The following DISC1 variants were observed in gnomAD, a reference collection of about 807,000 sequenced individuals.
DISC1 encodes disrupted in schizophrenia 1 protein.
In DISC1, 57 loss-of-function variants were observed where a neutral mutation model predicts 84.5. That is an observed-to-expected ratio of 0.67 (90% CI 0.55 to 0.84). DISC1 has a LOEUF of 0.84. DISC1 is among the 40% of genes least tolerant of loss of function. The pLI, the probability that DISC1 is intolerant of heterozygous loss-of-function variation, is 0.00. For missense variants in DISC1, 1,000 were observed against 1,057.8 expected, an observed-to-expected ratio of 0.95 and a Z score of 0.76; for synonymous variants, 411 against 415.2, an observed-to-expected ratio of 0.99 and a Z score of 0.12.
At chr1:231,711,617 C>G (rs562477588) in intron 3 of DISC1, among the ~76,000 whole-genome samples, 4 of 151,898 alleles carry the variant, frequency 2.6e-5, no homozygotes, top group Non-Finnish European at 5.9e-5. Flanking sequence ...ATCCACCGAC[C>G]TTGGCTTCCC....
intron 3 of DISC1, among the ~76,000 whole-genome samples, chr1:231,724,685 G>A (rs1027966661): frequency 2.6e-5 from 4 of 152,134 alleles, no homozygotes; most frequent in Non-Finnish European, 4.4e-5. Context: ...TAGGAGACCT[G>A]GCTTCAGAGT....
At chr1:231,965,800 T>A (rs988215142) in intron 10 of DISC1, among the ~76,000 whole-genome samples, 3 of 152,218 alleles carry the variant, frequency 2.0e-5, no homozygotes, top group Admixed American at 2.0e-4. Flanking sequence ...GTGCTCACAC[T>A]CATCCTTATG....
Position 231,693,948 on chromosome 1 carries a change from C to G in DISC1, c.190C>G (p.Leu64Val). 1 of 1,614,166 alleles carries G rather than the reference C, an allele frequency of 6.2e-7. No homozygotes were observed. The highest frequency in any genetic ancestry group is 8.5e-7 in the Non-Finnish European group (1 of 1,180,008). Reference protein sequence around the residue: ...IGFLSPAVGTLFRFPGGVSGE... With the variant: ...IGFLSPAVGTVFRFPGGVSGE... ...GTTCCTTTCCCCAGCAGTGGGCACA[C>G]TGTTCCGGTTCCCAGGAGGGGTGTC... Residue 64 changes from leucine (L) to valine (V), a missense_variant, in exon 2 of 13, where the codon CTG (leucine) becomes GTG (valine). Around this residue, in one of 3 missense-constraint regions of DISC1, gnomAD observed 292 missense variants for 280.2 expected, o/e 1.04. Transcript: ENST00000439617.
rs531313992 is a variant in DISC1 at position 231,860,981 on chromosome 1, A to AT, written c.1981+42471dup. Among the ~76,000 whole-genome samples the AT allele has an allele frequency of 1.0e-3, 155 of 152,200 alleles. 1 individual carries two copies. The highest frequency in any genetic ancestry group is 3.7e-3 in the African/African-American group (152 of 41,516). On this transcript the variant is annotated intron_variant, in intron 9 of 12. Transcript: ENST00000439617. ...TTGAAGATGATTCTGTCCCTCATCA[A>AT]TTTTTTTCCGCAAGGGCACTTTTGC...
At chr1:231,631,267 A>T (rs2058684214) in intron 1 of DISC1, among the ~76,000 whole-genome samples, 1 of 152,266 alleles carries the variant, frequency 6.6e-6, no homozygotes, top group African/African-American at 2.4e-5. Flanking sequence ...TGCCTCGCAT[A>T]ATGACGTTTT....
At chr1:231,770,760 A>C (rs200038475) in intron 5 of DISC1, 75 bp from the exon 6 acceptor site, 42 of 1,561,224 alleles carry the variant, frequency 2.7e-5, no homozygotes, top group Non-Finnish European at 3.4e-5. Flanking sequence ...TCTCATTTAA[A>C]CGAGTCATTA....
intron 1 of DISC1, among the ~76,000 whole-genome samples, chr1:231,642,865 C>CTTCCTTGGCTTCTCAGGTGT (rs1450150842): frequency 6.6e-6 from 1 of 152,190 alleles, no homozygotes; most frequent in East Asian, 1.9e-4. Context: ...AGTTTTCCTT[C>CTTCCTTGGCTTCTCAGGTGT]TTCCTTGGCT....
chr1:231,883,488 A>T (rs1393982531), intron 9 of DISC1, among the ~76,000 whole-genome samples: 1 of 152,082 alleles, frequency 6.6e-6, no homozygotes, highest in Admixed American at 6.5e-5. Flanking sequence ...CAGGTCAGAG[A>T]GGAGGCATCG....
intron 10 of DISC1, among the ~76,000 whole-genome samples, chr1:232,003,497 A>T (rs1248975641): frequency 6.6e-6 from 1 of 152,164 alleles, no homozygotes; most frequent in Non-Finnish European, 1.5e-5. Flanking sequence ...GAGGAAATAG[A>T]AGAATCAAGA....
chr1:231,862,175 C>G (rs966559017), intron 9 of DISC1, among the ~76,000 whole-genome samples: 16 of 152,170 alleles, frequency 1.1e-4, no homozygotes, highest in African/African-American at 3.9e-4. Flanking sequence ...TTCTGATTTA[C>G]AAAACAACCC....
intron 9 of DISC1, among the ~76,000 whole-genome samples, chr1:231,898,651 G>C (rs1431938371): frequency 8.5e-5 from 13 of 152,176 alleles, no homozygotes; most frequent in Non-Finnish European, 1.8e-4. Context: ...AAATAACTAG[G>C]CCGGGTGTGG....
At chr1:231,999,839 A>ACAG (rs1442483839) in intron 10 of DISC1, among the ~76,000 whole-genome samples, 2 of 152,030 alleles carry the variant, frequency 1.3e-5, no homozygotes, top group East Asian at 1.9e-4. Context: ...AACAACAACA[A>ACAG]CAACAACAAA....
chr1:231,808,003 G>A (rs201687020), intron 8 of DISC1, among the ~76,000 whole-genome samples: 1 of 151,928 alleles, frequency 6.6e-6, no homozygotes. Context: ...TTTTTTCTTT[G>A]CATTCCCAAT....
intron 9 of DISC1, among the ~76,000 whole-genome samples, chr1:231,906,948 TCTTTCTTTG>T (rs1448703754): frequency 1.3e-5 from 2 of 148,798 alleles, no homozygotes; most frequent in Admixed American, 6.7e-5. Context: ...TCTTTCTTTT[TCTTTCTTTG>T]CTTTCTTTCT....
chr1:231,801,858 G>A (rs895994607), intron 8 of DISC1, among the ~76,000 whole-genome samples: 13 of 148,956 alleles, frequency 8.7e-5, no homozygotes, highest in South Asian at 4.3e-4. Context: ...TCGTTCAGTC[G>A]CCCAGGCTAG....
Position 232,036,655 on chromosome 1 carries a change from G to C in DISC1, c.2426-37G>C, listed in dbSNP as rs369486817. On this transcript the variant is annotated intron_variant, in intron 12 of 12. Coordinates refer to ENST00000439617, the MANE Select transcript of DISC1 (RefSeq NM_018662.3). ...TCCCTCGGAGGCCGCAGAGGGCCAC[G>C]ATCACCTTCGAATGTGCTCCTTAAC... is the stretch of plus-strand genomic sequence containing the variant. 1.9e-4 allele frequency: 294 copies of C among 1,517,004 alleles called. 3 individuals carry two copies. The Middle Eastern group carries it at 7.4e-3, about 38-fold the overall frequency. The allele number at this position is 1,517,004 out of a possible 1,614,324, so 94.0% of individuals were successfully genotyped here.
intron 9 of DISC1, among the ~76,000 whole-genome samples, chr1:231,860,971 T>C (rs1020557711): frequency 1.3e-5 from 2 of 152,242 alleles, no homozygotes; most frequent in African/African-American, 4.8e-5. Flanking sequence ...GATGATTCTG[T>C]CCCTCATCAA....
In DISC1 at chr1:232,040,383, TC is replaced by T. The variant is rs1365639988; in HGVS notation, c.*3556del. 2 of 152,212 alleles carry T rather than the reference TC, an allele frequency of 1.3e-5. No individual in the cohort carries two copies. The highest frequency in any genetic ancestry group is 4.8e-5 in the African/African-American group (2 of 41,442). The allele number at this position is 152,212 out of a possible 1,614,324, so 9.4% of individuals were successfully genotyped here. ...GTCTTTCCCTGCAGTAAGGCTGGTT[TC>T]CCCACCCCAGAAACATGTAACGGTT... On this transcript the variant is annotated 3_prime_UTR_variant, in exon 13 of 13. Coordinates refer to ENST00000439617, the MANE Select transcript of DISC1 (RefSeq NM_018662.3).
intron 9 of DISC1, among the ~76,000 whole-genome samples, chr1:231,893,909 A>G (rs921919649): frequency 2.0e-5 from 3 of 152,214 alleles, no homozygotes; most frequent in Non-Finnish European, 2.9e-5. Context: ...TCACAAAGAC[A>G]TGAAAGCCCT....
Sources: gnomAD v4.1 joint callset for allele counts (sites outside exome capture counted in the v4.1 genomes callset) on GRCh38, gnomAD v4.1.1 for gene constraint, gnomAD v4.1.1 regional missense constraint, MANE v1.5 for transcripts, NCBI Gene and HGNC (gene_info 2026-07-23, HGNC 2026-07-21) for gene names.